The following CTNNA3 variants were observed in gnomAD, a reference collection of about 807,000 sequenced individuals.
The protein encoded by CTNNA3 is catenin alpha 3, also known as catenin alpha-3.
Under a neutral mutation model 95.7 loss-of-function variants are expected in CTNNA3, and 76 were observed. The ratio of observed to expected loss-of-function variants is 0.79; its 90% confidence interval spans 0.66 to 0.96. CTNNA3 has a LOEUF of 0.96. Among genes scored for constraint, CTNNA3 ranks in the 40% least tolerant of loss-of-function variants. The pLI, the probability that CTNNA3 is intolerant of heterozygous loss-of-function variation, is 0.00. For missense variants in CTNNA3, 1,191 were observed against 1,089.8 expected (o/e 1.09, Z -1.31); for synonymous variants, 431 against 374.4 (o/e 1.15, Z -1.74).
At chr10:67,256,707 C>A (rs556061535) in intron 5 of CTNNA3, among the ~76,000 whole-genome samples, 1 of 152,060 alleles carries the variant, frequency 6.6e-6, no homozygotes, top group South Asian at 2.1e-4. Context: ...TTATTTCCCA[C>A]CAGGAAGGAT....
At chr10:66,297,500 CTG>C (rs2091797864) in intron 12 of CTNNA3, among the ~76,000 whole-genome samples, 1 of 152,068 alleles carries the variant, frequency 6.6e-6, no homozygotes. Flanking sequence ...CAAAAGTACC[CTG>C]TCTTTTGCCC....
At chr10:66,438,570 AG>A (rs1184270622) in intron 11 of CTNNA3, among the ~76,000 whole-genome samples, 1 of 152,130 alleles carries the variant, frequency 6.6e-6, no homozygotes, top group Non-Finnish European at 1.5e-5. Flanking sequence ...GGAGCATCCC[AG>A]GTCAACTTCA....
intron 14 of CTNNA3, among the ~76,000 whole-genome samples, chr10:66,099,214 C>T (rs1400042351): frequency 6.6e-6 from 1 of 152,144 alleles, no homozygotes; most frequent in African/African-American, 2.4e-5. Context: ...GCTGTGACCC[C>T]AAATTCCACA....
chr10:66,547,379 G>A, intron 10 of CTNNA3, among the ~76,000 whole-genome samples: 1 of 86,492 alleles, frequency 1.2e-5, no homozygotes, highest in South Asian at 4.1e-4. Context: ...AGTCTGCTCT[G>A]TTGCCCAGGC....
At chr10:66,116,703 A>T (rs1047100714) in intron 13 of CTNNA3, among the ~76,000 whole-genome samples, 6 of 152,172 alleles carry the variant, frequency 3.9e-5, no homozygotes, top group Admixed American at 2.0e-4. Context: ...TGAAGAAAAG[A>T]TGTTTAATCG....
At chr10:65,967,887 T>C (rs2078009162) in intron 16 of CTNNA3, among the ~76,000 whole-genome samples, 1 of 152,214 alleles carries the variant, frequency 6.6e-6, no homozygotes, top group Non-Finnish European at 1.5e-5. Context: ...ATCTTCATTG[T>C]AGCATTATGT....
chr10:66,191,360 A>G (rs1050803241), intron 13 of CTNNA3, among the ~76,000 whole-genome samples: 2 of 152,080 alleles, frequency 1.3e-5, no homozygotes, highest in African/African-American at 4.8e-5. Flanking sequence ...ATGTAATGTA[A>G]ACACATACCT....
chr10:66,882,113 T>C (rs909298898), intron 7 of CTNNA3, among the ~76,000 whole-genome samples: 5 of 152,040 alleles, frequency 3.3e-5, no homozygotes, highest in African/African-American at 9.7e-5. Flanking sequence ...AAATGCCCTA[T>C]ACATATCAAA....
intron 9 of CTNNA3, among the ~76,000 whole-genome samples, chr10:66,645,941 C>A (rs886567756): frequency 6.6e-6 from 1 of 152,180 alleles, no homozygotes; most frequent in Non-Finnish European, 1.5e-5. Context: ...CAATGTCACA[C>A]CACTTTGATT....
At chr10:67,750,351 C>A (rs918545735) in intron 1 of CTNNA3, 2 of 1,510,306 alleles carry the variant, frequency 1.3e-6, no homozygotes, top group Non-Finnish European at 1.8e-6. Context: ...ACTTGGAAGT[C>A]TCCTCTCGGC....
intron 6 of CTNNA3, among the ~76,000 whole-genome samples, chr10:67,206,286 T>C (rs962913430): frequency 6.6e-6 from 1 of 152,172 alleles, no homozygotes; most frequent in African/African-American, 2.4e-5. Context: ...ATATAAAACA[T>C]TGAGATTTCT....
intron 9 of CTNNA3, among the ~76,000 whole-genome samples, chr10:66,649,466 C>T (rs1217929825): frequency 1.3e-5 from 2 of 152,166 alleles, no homozygotes; most frequent in African/African-American, 4.8e-5. Flanking sequence ...GCTTCACAAA[C>T]TGTATACAGC....
intron 15 of CTNNA3, among the ~76,000 whole-genome samples, chr10:66,028,537 T>C (rs2079386391): frequency 6.6e-6 from 1 of 150,448 alleles, no homozygotes. Context: ...TAGGTGGGAA[T>C]TGAACAATGA....
At chr10:67,600,708 A>G (rs543055847) in intron 3 of CTNNA3, among the ~76,000 whole-genome samples, 38 of 152,326 alleles carry the variant, frequency 2.5e-4, no homozygotes, top group African/African-American at 9.1e-4. Context: ...ATTCCTAGGT[A>G]TTAGTCCAAA....
At chr10:67,267,907 C>A (rs1480737839) in intron 5 of CTNNA3, among the ~76,000 whole-genome samples, 3 of 151,910 alleles carry the variant, frequency 2.0e-5, no homozygotes, top group Admixed American at 6.6e-5. Flanking sequence ...TTTACAAATA[C>A]TGAGTTAAAT....
intron 7 of CTNNA3, among the ~76,000 whole-genome samples, chr10:66,997,953 C>T (rs1851450996): frequency 6.6e-6 from 1 of 152,160 alleles, no homozygotes; most frequent in Non-Finnish European, 1.5e-5. Flanking sequence ...TTCAAGTTCA[C>T]TACCACTGCT....
chr10:67,201,092 A>G (rs1275337030), intron 6 of CTNNA3, among the ~76,000 whole-genome samples: 3 of 152,086 alleles, frequency 2.0e-5, no homozygotes, highest in Non-Finnish European at 4.4e-5. Context: ...CCCTGTCCAT[A>G]AGACTGACTC....
intron 12 of CTNNA3, among the ~76,000 whole-genome samples, chr10:66,309,069 C>G (rs1159521875): frequency 2.0e-5 from 3 of 152,128 alleles, no homozygotes; most frequent in Non-Finnish European, 4.4e-5. Flanking sequence ...CCTACATTTA[C>G]CAACAGTAAA....
chr10:66,389,246 A>T (rs547830684), intron 11 of CTNNA3, among the ~76,000 whole-genome samples: 4 of 152,276 alleles, frequency 2.6e-5, no homozygotes, highest in Non-Finnish European at 5.9e-5. Flanking sequence ...ACTTGAACTC[A>T]ACAAATGCAT....
Sources: allele counts gnomAD v4.1 joint callset (sites outside exome capture counted in the v4.1 genomes callset), GRCh38; gene constraint gnomAD v4.1.1; transcripts MANE v1.5; gene names NCBI Gene and HGNC (gene_info 2026-07-23, HGNC 2026-07-21).